Variants in CNIH3 observed in about 807,000 individuals in gnomAD.
CNIH3 encodes the protein protein cornichon homolog 3.
Under a neutral mutation model 24.1 loss-of-function variants are expected in CNIH3, and 14 were observed. The observed-to-expected ratio is 0.58, with a 90% confidence interval of 0.38 to 0.91. The LOEUF (loss-of-function observed/expected upper bound fraction) is 0.91, where lower values mean the gene tolerates loss of function less well. Ranked by LOEUF, CNIH3 falls within the 40% of genes least tolerant of loss-of-function variation. The probability of loss-of-function intolerance (pLI) is 0.00; values close to 1 mark genes in which losing one functional copy is unlikely to be tolerated. For missense variants in CNIH3, 178 were observed against 196.8 expected (o/e 0.90, Z 0.57); for synonymous variants, 68 against 73.8 (o/e 0.92, Z 0.40).
chr1:224,647,890 C>G (rs373952940), intron 1 of CNIH3, among the ~76,000 whole-genome samples: 3 of 151,948 alleles, frequency 2.0e-5, no homozygotes, highest in Admixed American at 2.0e-4. Flanking sequence ...AGTGGCAGGT[C>G]GGTAAGAACA....
Position 224,458,269 on chromosome 1 carries a change from G to A in CNIH3, n.203+23407G>A, listed in dbSNP as rs1675761905. Among the ~76,000 whole-genome samples, 1 of 152,160 alleles carries A rather than the reference G, an allele frequency of 6.6e-6. No homozygotes were observed. Among genetic ancestry groups the A allele is most frequent in the South Asian group, 2.1e-4 (1 of 4,832 alleles). On this transcript the variant is annotated intron_variant and non_coding_transcript_variant, in intron 1 of 5. Transcript: ENST00000471578. The surrounding 1 kb of genome is among the most constrained non-coding windows in gnomAD (Gnocchi z 4.3). ...GGGTGCCAAAGCCGAGAAAGGTCCC[G>A]TAGTCCCTGTGTGGTCAGCAGGGAA...
At chr1:224,436,681 CT>C (rs1375491034) in intron 1 of CNIH3, 1 of 152,218 alleles carries the variant, frequency 6.6e-6, no homozygotes, top group South Asian at 2.1e-4. Context: ...TATCTGAACT[CT>C]GGGTCTTTAG....
chr1:224,678,535 C>A (rs1427146860), intron 1 of CNIH3, among the ~76,000 whole-genome samples: 2 of 151,988 alleles, frequency 1.3e-5, no homozygotes, highest in South Asian at 4.2e-4. Flanking sequence ...CAGCTTAGCG[C>A]CAGTTTATGT....
chr1:224,673,127 T>A (rs565502595), intron 1 of CNIH3, among the ~76,000 whole-genome samples: 80 of 152,358 alleles, frequency 5.3e-4, no homozygotes, highest in African/African-American at 1.9e-3. Context: ...TTCCTCAGTC[T>A]GCACAACTGA....
rs747995949 is a variant in CNIH3, at chr1:224,734,583, A to G, written c.332A>G (p.Asp111Gly). Residue 111 changes from aspartate (D) to glycine (G), a missense_variant, in exon 5 of 6, where the codon GAT becomes GGT. By Grantham distance (94) the Asp-to-Gly change is moderately conservative. Transcript: ENST00000272133. ...HFWRYFHCPA[D>G]SSELAYDPPV... ...TGCAGGTATTTCCACTGTCCAGCAG[A>G]TAGCTCAGAACTAGCCTACGACCCA... 1.9e-6 allele frequency: 3 copies of G among 1,614,100 alleles called. No individual in the cohort carries two copies. Among genetic ancestry groups the G allele is most frequent in the Non-Finnish European group, 2.5e-6 (3 of 1,180,038 alleles).
chr1:224,683,210 C>T (rs1394498050), intron 2 of CNIH3, among the ~76,000 whole-genome samples: 1 of 152,136 alleles, frequency 6.6e-6, no homozygotes, highest in East Asian at 1.9e-4. Context: ...AGGCATACTT[C>T]TAATTAGTAA....
chr1:224,618,761 A>G (rs1390565627), intron 1 of CNIH3, among the ~76,000 whole-genome samples: 2 of 152,202 alleles, frequency 1.3e-5, no homozygotes, highest in Non-Finnish European at 2.9e-5. Context: ...AAACATAGAT[A>G]TTTGGGGGAT....
intron 3 of CNIH3, among the ~76,000 whole-genome samples, chr1:224,562,689 G>A (rs991294637): frequency 2.0e-5 from 3 of 152,046 alleles, no homozygotes; most frequent in Non-Finnish European, 2.9e-5. Context: ...CACTCTACTA[G>A]TTCACATGAG....
chr1:224,690,340 A>G (rs939063314), intron 3 of CNIH3, among the ~76,000 whole-genome samples: 2 of 152,120 alleles, frequency 1.3e-5, no homozygotes. Context: ...ACCTGGGACT[A>G]CAGGCATGCA....
intron 1 of CNIH3, among the ~76,000 whole-genome samples, chr1:224,665,529 G>C (rs1300076768): frequency 6.6e-6 from 1 of 152,160 alleles, no homozygotes; most frequent in African/African-American, 2.4e-5. Flanking sequence ...CCCTGATCCA[G>C]GTGCTTGGAA....
rs554226840 is a variant in CNIH3 at position 224,458,268 on chromosome 1, C to T, written n.203+23406C>T. Among the ~76,000 whole-genome samples the T allele has an allele frequency of 2.6e-5, 4 of 152,272 alleles. No individual in the cohort carries two copies. The highest frequency in any genetic ancestry group is 5.9e-5 in the Non-Finnish European group (4 of 68,016). On this transcript the variant is annotated intron_variant and non_coding_transcript_variant, in intron 1 of 5. Coordinates refer to the CNIH3 transcript ENST00000471578. The surrounding 1 kb of genome is among the most constrained non-coding windows in gnomAD (Gnocchi z 4.3). ...AGGGTGCCAAAGCCGAGAAAGGTCC[C>T]GTAGTCCCTGTGTGGTCAGCAGGGA...
intron 1 of CNIH3, among the ~76,000 whole-genome samples, chr1:224,492,935 G>C (rs1343847150): frequency 6.6e-6 from 1 of 152,214 alleles, no homozygotes; most frequent in Non-Finnish European, 1.5e-5. Context: ...TCTGTTGATA[G>C]TAAGACTGAA....
intron 3 of CNIH3, among the ~76,000 whole-genome samples, chr1:224,706,389 T>C (rs1022203649): frequency 3.9e-5 from 6 of 152,144 alleles, no homozygotes; most frequent in African/African-American, 1.4e-4. Context: ...GCACATAGCA[T>C]CCTCGCCTGT....
chr1:224,724,019 T>C (rs1383624491), intron 3 of CNIH3, among the ~76,000 whole-genome samples: 1 of 152,190 alleles, frequency 6.6e-6, no homozygotes, highest in African/African-American at 2.4e-5. Flanking sequence ...AGTTGAAGAC[T>C]AGCCTGGGAA....
intron 1 of CNIH3, among the ~76,000 whole-genome samples, chr1:224,634,575 A>G (rs1042456788): frequency 6.5e-4 from 76 of 117,794 alleles, no homozygotes; most frequent in African/African-American, 2.6e-3. Flanking sequence ...TCTGTCTCCA[A>G]AAAAAAAAAT....
At chr1:224,438,719 G>T (rs756921327) in intron 1 of CNIH3, among the ~76,000 whole-genome samples, 1 of 152,146 alleles carries the variant, frequency 6.6e-6, no homozygotes, top group Non-Finnish European at 1.5e-5. Flanking sequence ...GGAGAGCACA[G>T]TTCTTGGGCC....
At chr1:224,685,378 A>G (rs1459249504) in intron 3 of CNIH3, among the ~76,000 whole-genome samples, 6 of 152,238 alleles carry the variant, frequency 3.9e-5, no homozygotes, top group Non-Finnish European at 7.3e-5. Context: ...GATGGGTAGT[A>G]CGTTACAGCT....
chr1:224,466,444 A>T (rs977966206), intron 1 of CNIH3, among the ~76,000 whole-genome samples: 1 of 152,160 alleles, frequency 6.6e-6, no homozygotes, highest in Non-Finnish European at 1.5e-5. Context: ...TTTTTCCTTT[A>T]TGTTGCAGAG....
At chr1:224,661,269 G>T in intron 1 of CNIH3, 1 of 308,656 alleles carries the variant, frequency 3.2e-6, no homozygotes, top group South Asian at 3.9e-5. Context: ...GACCATTCTT[G>T]ACAATCCTTT....
Sources: allele counts gnomAD v4.1 joint callset (sites outside exome capture counted in the v4.1 genomes callset), GRCh38; gene constraint gnomAD v4.1.1; non-coding constraint Gnocchi (gnomAD v3.1); transcripts MANE v1.5; gene names NCBI Gene and HGNC (gene_info 2026-07-23, HGNC 2026-07-21).